SMIM35: variants seen among roughly 807,000 people sequenced by gnomAD.
SMIM35 encodes the protein TMPRSS4 antisense RNA 1 (non-protein coding).
intron 4 of SMIM35, among the ~76,000 whole-genome samples, chr11:118,009,452 T>C (rs770532384): frequency 2.0e-5 from 3 of 152,174 alleles, no homozygotes; most frequent in East Asian, 1.9e-4. Flanking sequence ...CCTGCACTGA[T>C]ATGTGCTCAG....
intron 1 of SMIM35, chr11:118,059,046 A>AAACC (rs1336372740): frequency 6.6e-6 from 1 of 152,190 alleles, no homozygotes; most frequent in Non-Finnish European, 1.5e-5. Flanking sequence ...GTTCCTCCAC[A>AAACC]CTTGGGTTTG....
Position 118,004,827 on chromosome 11 carries a change from T to C in SMIM35, c.*1583A>G, listed in dbSNP as rs1356576812. The stretch of plus-strand genomic sequence containing the variant: ...GCCCAGCCAGGAGCCTCACTGGGGC[T>C]CCTTGGTCAATCACAGCCCATCATC... On this transcript the variant is annotated 3_prime_UTR_variant, in exon 5 of 5. Transcript: ENST00000689828. 6.6e-6 allele frequency: 1 copy of C among 152,178 alleles called. No individual in the cohort carries two copies. Among genetic ancestry groups the C allele is most frequent in the African/African-American group, 2.4e-5 (1 of 41,418 alleles). The allele number at this position is 152,178 out of a possible 1,614,324, so 9.4% of individuals were successfully genotyped here. A position where few individuals can be genotyped will look rare whatever the true frequency, so the allele number is the denominator to read the frequency against.
intron 1 of SMIM35, among the ~76,000 whole-genome samples, chr11:118,024,147 A>C (rs1352028215): frequency 6.6e-6 from 1 of 152,214 alleles, no homozygotes; most frequent in Non-Finnish European, 1.5e-5. Flanking sequence ...AATTTTGATG[A>C]GATATGGCCA....
At chr11:118,028,870 A>T in intron 1 of SMIM35, 1 of 445,964 alleles carries the variant, frequency 2.2e-6, no homozygotes, top group Non-Finnish European at 4.5e-6. Flanking sequence ...AAGAAGAAAA[A>T]AGTTGGGGGA....
chr11:118,051,878 A>G (rs1441164557), intron 1 of SMIM35, among the ~76,000 whole-genome samples: 1 of 151,876 alleles, frequency 6.6e-6, no homozygotes, highest in Non-Finnish European at 1.5e-5. Flanking sequence ...TACTAATACT[A>G]ATACTCTTGG....
rs1477668272 is a variant in SMIM35, at chr11:118,025,510, T to G, written c.8-9701A>C. On this transcript the variant is annotated intron_variant, in intron 1 of 4. Transcript: ENST00000689828. ...TTGCTGGCATGAGATGGTATCTCACTGTGGTTTTGATTTGCATTTTTCCAA... is the reference window on the plus strand; with the variant it reads ...TTGCTGGCATGAGATGGTATCTCACGGTGGTTTTGATTTGCATTTTTCCAA... 5 of 455,516 alleles carry G rather than the reference T, an allele frequency of 1.1e-5. No individual in the cohort carries two copies. In the Admixed American group the frequency reaches 1.2e-4, roughly 11 times the overall value. The allele number at this position is 455,516 out of a possible 1,614,324, so 28.2% of individuals were successfully genotyped here. A position where few individuals can be genotyped will look rare whatever the true frequency, so the allele number is the denominator to read the frequency against.
intron 1 of SMIM35, among the ~76,000 whole-genome samples, chr11:118,053,307 A>AACACAC (rs57912361): frequency 0.012 from 1,723 of 142,056 alleles, 16 homozygotes; most frequent in African/African-American, 0.025. Flanking sequence ...GACTCTCTAA[A>AACACAC]ACACACACAC....
At chr11:118,025,791 G>A (rs887229348) in intron 1 of SMIM35, 3 of 447,084 alleles carry the variant, frequency 6.7e-6, no homozygotes, top group Admixed American at 2.5e-5. Context: ...AAGCCCTTTA[G>A]TTTAATCAGG....
intron 1 of SMIM35, among the ~76,000 whole-genome samples, chr11:118,080,421 C>T (rs547585303): frequency 1.4e-3 from 220 of 152,286 alleles, no homozygotes; most frequent in African/African-American, 4.2e-3. Flanking sequence ...CTGCACCTGC[C>T]GAGGTGGAAG....
intron 1 of SMIM35, among the ~76,000 whole-genome samples, chr11:118,084,297 C>T (rs960554625): frequency 3.3e-5 from 5 of 152,192 alleles, no homozygotes; most frequent in Non-Finnish European, 7.3e-5. Flanking sequence ...AAAACACAAC[C>T]TCTCCTAGCA....
At chr11:118,077,877 G>T (rs1363969543) in intron 1 of SMIM35, among the ~76,000 whole-genome samples, 4 of 152,002 alleles carry the variant, frequency 2.6e-5, no homozygotes, top group Admixed American at 6.6e-5. Flanking sequence ...GCCAGGCGTG[G>T]TGGCAGGTGC....
intron 1 of SMIM35, among the ~76,000 whole-genome samples, chr11:118,058,522 C>T (rs1341268177): frequency 6.6e-6 from 1 of 152,040 alleles, no homozygotes; most frequent in African/African-American, 2.4e-5. Flanking sequence ...GGGTGCGAAA[C>T]CACAGGGTGA....
intron 1 of SMIM35, among the ~76,000 whole-genome samples, chr11:118,048,544 AGGAAGGAAGGAAG>A (rs1944142487): frequency 6.1e-5 from 1 of 16,422 alleles, no homozygotes; most frequent in African/African-American, 1.3e-4. Context: ...GAAAGAAGGA[AGGAAGGAAGGAAG>A]GAAGGAAGGA....
chr11:118,011,943 G>A (rs988713374), intron 4 of SMIM35, among the ~76,000 whole-genome samples: 3 of 152,178 alleles, frequency 2.0e-5, no homozygotes, highest in Non-Finnish European at 1.5e-5. Context: ...TTAAGTCAAA[G>A]CCTGGCTATG....
intron 1 of SMIM35, among the ~76,000 whole-genome samples, chr11:118,068,523 C>T (rs144444693): frequency 4.6e-5 from 7 of 152,252 alleles, no homozygotes; most frequent in African/African-American, 9.6e-5. Flanking sequence ...TTTACAGAGA[C>T]GGGGGTGAGG....
intron 1 of SMIM35, 31 bp downstream of exon 1, chr11:118,086,720 A>T (rs1324088316): frequency 3.3e-5 from 5 of 153,032 alleles, no homozygotes; most frequent in Non-Finnish European, 7.3e-5. Context: ...CTGCCCCATG[A>T]TCTTCCAGCC....
chr11:118,076,408 C>T (rs1048907993), intron 1 of SMIM35, among the ~76,000 whole-genome samples: 6 of 152,064 alleles, frequency 3.9e-5, no homozygotes, highest in Admixed American at 2.0e-4. Context: ...GATTGCGCCC[C>T]TGCACTCCAG....
In SMIM35 at chr11:118,034,184, G is replaced by T. The variant is rs532108819; in HGVS notation, c.8-18375C>A. On this transcript the variant is annotated intron_variant, in intron 1 of 4. Coordinates refer to ENST00000689828, the MANE Select transcript of SMIM35 (RefSeq NM_001394165.1). ...TTCAGGAGGCTGGGGTAGGAGAATC[G>T]CTTGAAACCAGTAGATGGATGGAGG... 4.3e-4 allele frequency among the ~76,000 whole-genome samples: 29 copies of T among 66,836 alleles called. 2 individuals carry two copies. In the South Asian group the frequency reaches 0.021, roughly 48 times the overall value. The allele number at this position is 66,836 out of a possible 152,430, so 43.8% of individuals were successfully genotyped here.
At chr11:118,077,274 A>G in intron 1 of SMIM35, 1 of 1,599,220 alleles carries the variant, frequency 6.3e-7, no homozygotes, top group Admixed American at 1.7e-5. Flanking sequence ...TCCAGGCTAC[A>G]GGGAGACCGG....
Sources: gnomAD v4.1 joint callset for allele counts (sites outside exome capture counted in the v4.1 genomes callset) on GRCh38, gnomAD v4.1.1 for gene constraint, MANE v1.5 for transcripts, NCBI Gene and HGNC (gene_info 2026-07-23, HGNC 2026-07-21) for gene names.